Variants in NTRK2 observed in about 807,000 individuals in gnomAD.
NTRK2 encodes neurotrophic receptor tyrosine kinase 2, also known as BDNF/NT-3 growth factors receptor.
Under a neutral mutation model 94.5 loss-of-function variants are expected in NTRK2, and 13 were observed. The ratio of observed to expected loss-of-function variants is 0.14; its 90% CI spans 0.09 to 0.22. NTRK2 has a LOEUF of 0.22. Ranked by LOEUF, NTRK2 falls within the 10% of genes least tolerant of loss-of-function variation. The pLI, the probability that NTRK2 is intolerant of heterozygous loss-of-function variation, is 1.00. For synonymous variants in NTRK2, 372 were observed against 407.4 expected (o/e 0.91, Z 1.05); for missense variants, 639 against 1,071.2 (o/e 0.60, Z 5.63).
intron 14 of NTRK2, chr9:84,875,162 T>C (rs1258420357): frequency 9.4e-7 from 1 of 1,059,384 alleles, no homozygotes; most frequent in African/African-American, 1.6e-5. Context: ...ACCATATGTG[T>C]CCTTGCATTT....
chr9:84,830,882 T>C (rs571206797), intron 12 of NTRK2, among the ~76,000 whole-genome samples: 113 of 152,306 alleles, frequency 7.4e-4, no homozygotes, highest in African/African-American at 2.7e-3. Context: ...CCCAGAAATA[T>C]TTCATTTAGT....
At chr9:84,730,782 G>GAAAAAAA (rs1564145193) in intron 9 of NTRK2, among the ~76,000 whole-genome samples, 13 of 4,754 alleles carry the variant, frequency 2.7e-3, no homozygotes, top group South Asian at 8.1e-3. Context: ...TAAACAAATA[G>GAAAAAAA]CAAAAAAAAA....
chr9:84,829,389 T>C (rs920844707), intron 12 of NTRK2, among the ~76,000 whole-genome samples: 2 of 152,214 alleles, frequency 1.3e-5, no homozygotes, highest in East Asian at 3.8e-4. Flanking sequence ...TTTTTGTTCT[T>C]TTTTAAGCAG....
intron 12 of NTRK2, among the ~76,000 whole-genome samples, chr9:84,759,694 G>T (rs563064402): frequency 6.6e-6 from 1 of 152,184 alleles, no homozygotes; most frequent in Non-Finnish European, 1.5e-5. Flanking sequence ...GCCTATTTCA[G>T]ACAGGACTTT....
At chr9:85,000,578 C>A (rs910213102) in intron 17 of NTRK2, among the ~76,000 whole-genome samples, 1 of 152,158 alleles carries the variant, frequency 6.6e-6, no homozygotes, top group East Asian at 1.9e-4. Context: ...ACCTCCATGT[C>A]TTTTCATGGC....
At chr9:84,874,916 T>C in intron 14 of NTRK2, 2 of 1,056,114 alleles carry the variant, frequency 1.9e-6, no homozygotes, top group Non-Finnish European at 2.3e-6. Flanking sequence ...TGATTTTTGC[T>C]AGTAAGATAG....
At position 84,955,543 on chromosome 9, in the gene NTRK2, C is replaced by T. The variant is rs140800607; in HGVS notation, c.2172+26C>T. Reference sequence around the variant, plus strand: ...GTGAGTAGCTGTGCAGATCAGAGACCCCAGGGACCTCTTTCCCTGCGGGAC... The same window carrying T: ...GTGAGTAGCTGTGCAGATCAGAGACTCCAGGGACCTCTTTCCCTGCGGGAC... On this transcript the variant is annotated intron_variant, in intron 17 of 18. Coordinates refer to ENST00000277120, the MANE Select transcript of NTRK2 (RefSeq NM_006180.6). The T allele has an allele frequency of 1.7e-4, 268 of 1,579,914 alleles. No individual in the cohort carries two copies. The African/African-American group carries it at 3.3e-3, about 20-fold the overall frequency.
intron 11 of NTRK2, among the ~76,000 whole-genome samples, chr9:84,747,071 AG>A (rs2064145737): frequency 6.6e-6 from 1 of 152,120 alleles, no homozygotes; most frequent in African/African-American, 2.4e-5. Flanking sequence ...GTGATCCATT[AG>A]GGGTTTGGTG....
chr9:84,691,012 A>G (rs1257552805), intron 2 of NTRK2, among the ~76,000 whole-genome samples: 1 of 152,204 alleles, frequency 6.6e-6, no homozygotes, highest in Non-Finnish European at 1.5e-5. Context: ...TAAGGTAAAA[A>G]TGAGAGGGAT....
rs1197432624 is a variant in NTRK2 at position 84,699,279 on chromosome 9, G to A, written c.213-2880G>A. 5.9e-5 allele frequency among the ~76,000 whole-genome samples: 9 copies of A among 152,166 alleles called. No homozygotes were observed. In the East Asian group the frequency reaches 1.4e-3, roughly 23 times the overall value. On this transcript the variant is annotated intron_variant, in intron 2 of 18. Coordinates refer to ENST00000277120, the MANE Select transcript of NTRK2 (RefSeq NM_006180.6). ...TCTCAATCTCCTGACCTCGTGATCCGCCCGACTTGGCCTCCCAAAGTGCTA... is the reference window on the plus strand; with the variant it reads ...TCTCAATCTCCTGACCTCGTGATCCACCCGACTTGGCCTCCCAAAGTGCTA...
intron 17 of NTRK2, among the ~76,000 whole-genome samples, chr9:85,007,684 T>C (rs1433541610): frequency 6.6e-6 from 1 of 152,172 alleles, no homozygotes; most frequent in Non-Finnish European, 1.5e-5. Context: ...ACTGCATACT[T>C]CAGGACTTCT....
chr9:84,811,312 G>T, intron 12 of NTRK2: 1 of 1,065,414 alleles, frequency 9.4e-7, no homozygotes, highest in Non-Finnish European at 1.1e-6. Flanking sequence ...AATGAAAAAC[G>T]TTTAAAAAGA....
At chr9:84,955,729 T>A in intron 17 of NTRK2, 2 of 647,006 alleles carry the variant, frequency 3.1e-6, no homozygotes, top group East Asian at 5.6e-5. Context: ...GGCTTGCAGG[T>A]GGCTGCCTTC....
At chr9:84,903,193 C>G (rs148422858) in intron 14 of NTRK2, among the ~76,000 whole-genome samples, 1 of 152,194 alleles carries the variant, frequency 6.6e-6, no homozygotes, top group Non-Finnish European at 1.5e-5. Flanking sequence ...ACATTTCCAT[C>G]ACTGCAGAAA....
At chr9:84,856,196 G>C (rs1375512382) in intron 12 of NTRK2, among the ~76,000 whole-genome samples, 1 of 152,206 alleles carries the variant, frequency 6.6e-6, no homozygotes, top group East Asian at 1.9e-4. Flanking sequence ...ATGGAGCCAA[G>C]TGAAAGTTGG....
At chr9:84,764,493 T>A (rs1041332787) in intron 12 of NTRK2, among the ~76,000 whole-genome samples, 8 of 152,098 alleles carry the variant, frequency 5.3e-5, no homozygotes, top group Non-Finnish European at 1.5e-5. Flanking sequence ...AGGCAATGAT[T>A]GGGTGCTTGG....
At chr9:84,887,255 G>A (rs936939835) in intron 14 of NTRK2, among the ~76,000 whole-genome samples, 1 of 152,204 alleles carries the variant, frequency 6.6e-6, no homozygotes. Flanking sequence ...TTATAACCAA[G>A]TATGAATGTG....
In NTRK2 at chr9:84,702,344, A is replaced by G. The variant is rs746067158; in HGVS notation, c.288-4A>G. The G allele has an allele frequency of 1.9e-6, 3 of 1,614,182 alleles. No individual in the cohort carries two copies. Among genetic ancestry groups the G allele is most frequent in the Admixed American group, 3.3e-5 (2 of 60,024 alleles). On this transcript the variant is annotated splice_region_variant and splice_polypyrimidine_tract_variant and intron_variant, in intron 3 of 18. Transcript: ENST00000277120. ...AATGTGCATGAAATTATGTGTTTTC[A>G]CAGGACAATTGTGGATTCTGGATTA...
chr9:84,956,284 C>A (rs940146574), intron 17 of NTRK2, among the ~76,000 whole-genome samples: 6 of 152,218 alleles, frequency 3.9e-5, no homozygotes, highest in Admixed American at 1.3e-4. Flanking sequence ...TTCCACACAG[C>A]TTGTCTGGTG....
Sources: gnomAD v4.1 joint callset for allele counts (sites outside exome capture counted in the v4.1 genomes callset) on GRCh38, gnomAD v4.1.1 for gene constraint, MANE v1.5 for transcripts, NCBI Gene and HGNC (gene_info 2026-07-23, HGNC 2026-07-21) for gene names.